NUDCD3: variants seen among roughly 807,000 people sequenced by gnomAD.
NUDCD3 encodes the protein nudC domain-containing protein 3.
In NUDCD3, 13 loss-of-function variants were observed where a neutral mutation model predicts 39.7. The observed-to-expected ratio is 0.33, with a 90% CI of 0.21 to 0.52. The LOEUF is 0.52. NUDCD3 is among the 20% of genes least tolerant of loss of function. NUDCD3 has a pLI of 0.96. For missense variants in NUDCD3, 453 were observed against 458.1 expected, an observed-to-expected ratio of 0.99 and a Z score of 0.10; for synonymous variants, 175 against 172.4, an observed-to-expected ratio of 1.02 and a Z score of -0.12.
chr7:44,400,491 C>T (rs1798701123), intron 4 of NUDCD3, among the ~76,000 whole-genome samples: 1 of 152,232 alleles, frequency 6.6e-6, no homozygotes, highest in Non-Finnish European at 1.5e-5. Flanking sequence ...GACGCCATCC[C>T]TTTGCATCCT....
At chr7:44,434,220 T>G (rs1563175778) in intron 2 of NUDCD3, among the ~76,000 whole-genome samples, 1 of 152,156 alleles carries the variant, frequency 6.6e-6, no homozygotes, top group East Asian at 1.9e-4. Context: ...AATGACTCGA[T>G]GCCTGGACCC....
At chr7:44,440,548 G>C (rs1352085390) in intron 2 of NUDCD3, among the ~76,000 whole-genome samples, 2 of 143,498 alleles carry the variant, frequency 1.4e-5, no homozygotes, top group Non-Finnish European at 3.1e-5. Flanking sequence ...CTTGACACAG[G>C]ATTTTTTTTT....
rs1434862724 is a variant in NUDCD3, at chr7:44,385,909, T to G, written c.*102A>C. 1 of 693,846 alleles carries G rather than the reference T, an allele frequency of 1.4e-6. No individual in the cohort carries two copies. Among genetic ancestry groups the G allele is most frequent in the African/African-American group, 1.8e-5 (1 of 56,414 alleles). The allele number at this position is 693,846 out of a possible 1,614,324, so 43.0% of individuals were successfully genotyped here. On this transcript the variant is annotated 3_prime_UTR_variant, in exon 6 of 6. Coordinates refer to ENST00000355451, the MANE Select transcript of NUDCD3 (RefSeq NM_015332.4). ...CCTTGAAAGAAAGGATGGCTAGGGGTAAACAAGACGAGCAAGTCCCTGGAA... is the reference window on the plus strand; with the variant it reads ...CCTTGAAAGAAAGGATGGCTAGGGGGAAACAAGACGAGCAAGTCCCTGGAA...
intron 2 of NUDCD3, chr7:44,484,687 T>G: frequency 2.9e-6 from 1 of 347,146 alleles, no homozygotes. Context: ...ACAGATAAAG[T>G]TAGGTCTTTG....
chr7:44,487,460 G>GAAA (rs34196298), intron 1 of NUDCD3, among the ~76,000 whole-genome samples: 1 of 139,910 alleles, frequency 7.1e-6, no homozygotes, highest in Non-Finnish European at 1.5e-5. Flanking sequence ...GTTAGGGACA[G>GAAA]AAAAAAAAAA....
chr7:44,489,284 T>C (rs970702752), intron 1 of NUDCD3, among the ~76,000 whole-genome samples: 2 of 152,258 alleles, frequency 1.3e-5, no homozygotes, highest in East Asian at 3.8e-4. Flanking sequence ...ATCACTAAGA[T>C]GGCACTTATG....
At chr7:44,484,066 T>C (rs1249520904) in intron 2 of NUDCD3, among the ~76,000 whole-genome samples, 1 of 151,010 alleles carries the variant, frequency 6.6e-6, no homozygotes, top group Non-Finnish European at 1.5e-5. Context: ...AGAAAGAGAG[T>C]AAAGGAGTGA....
intron 2 of NUDCD3, among the ~76,000 whole-genome samples, chr7:44,438,465 C>T (rs1237053380): frequency 1.3e-5 from 2 of 152,076 alleles, no homozygotes; most frequent in African/African-American, 4.8e-5. Context: ...CTTTCTAATT[C>T]ATCCACAGCT....
At chr7:44,484,844 T>C in intron 2 of NUDCD3, 124 bp downstream of exon 2, 1 of 771,120 alleles carries the variant, frequency 1.3e-6, no homozygotes, top group Non-Finnish European at 2.1e-6. Flanking sequence ...TTTACAAACA[T>C]GAAGAGCTAA....
chr7:44,400,162 T>A (rs544840760), intron 4 of NUDCD3, among the ~76,000 whole-genome samples: 30 of 152,050 alleles, frequency 2.0e-4, no homozygotes, highest in Non-Finnish European at 1.6e-4. Flanking sequence ...GAACGAGCTA[T>A]CGGAAAAAAG....
At chr7:44,464,016 C>T (rs1470110534) in intron 2 of NUDCD3, among the ~76,000 whole-genome samples, 2 of 151,806 alleles carry the variant, frequency 1.3e-5, no homozygotes, top group African/African-American at 4.8e-5. Flanking sequence ...GAGTTCGAGA[C>T]CAGCCTGACC....
chr7:44,483,208 A>C (rs908202221), intron 2 of NUDCD3, among the ~76,000 whole-genome samples: 2 of 152,166 alleles, frequency 1.3e-5, no homozygotes, highest in African/African-American at 4.8e-5. Flanking sequence ...ATATAACAAG[A>C]GAATGGGGAT....
chr7:44,483,835 A>G (rs1388598127), intron 2 of NUDCD3, among the ~76,000 whole-genome samples: 1 of 152,208 alleles, frequency 6.6e-6, no homozygotes, highest in Non-Finnish European at 1.5e-5. Flanking sequence ...ATAGTGGCAG[A>G]CATCTCTACA....
chr7:44,436,874 C>T (rs1043970127), intron 2 of NUDCD3, among the ~76,000 whole-genome samples: 4 of 152,102 alleles, frequency 2.6e-5, no homozygotes, highest in African/African-American at 9.7e-5. Flanking sequence ...TTAAAGACGT[C>T]TATCTGGTCA....
intron 2 of NUDCD3, among the ~76,000 whole-genome samples, chr7:44,429,730 C>T (rs1305751174): frequency 6.6e-6 from 1 of 152,106 alleles, no homozygotes; most frequent in Non-Finnish European, 1.5e-5. Flanking sequence ...ACTACTCACA[C>T]AGGCGGGCCA....
chr7:44,385,723 G>T lies in NUDCD3; in HGVS notation c.*288C>A. 4.8e-6 allele frequency: 2 copies of T among 413,216 alleles called. No individual in the cohort carries two copies. Among genetic ancestry groups the T allele is most frequent in the Non-Finnish European group, 4.3e-6 (1 of 230,514 alleles). 25.6% of individuals were successfully genotyped at this position (413,216 alleles called of 1,614,324 possible). Reference sequence around the variant, plus strand: ...GCTGCCTGCAGTGGCTGGTTGCTGTGGAGACAAAAGCATGTGATCCCAATT... The same window carrying T: ...GCTGCCTGCAGTGGCTGGTTGCTGTTGAGACAAAAGCATGTGATCCCAATT... On this transcript the variant is annotated 3_prime_UTR_variant, in exon 6 of 6. Coordinates refer to ENST00000355451, the MANE Select transcript of NUDCD3 (RefSeq NM_015332.4).
intron 2 of NUDCD3, among the ~76,000 whole-genome samples, chr7:44,461,175 C>A (rs1394088588): frequency 6.6e-6 from 1 of 152,192 alleles, no homozygotes; most frequent in Admixed American, 6.5e-5. Context: ...TTCGGCCCTG[C>A]ACCCATGAAG....
intron 2 of NUDCD3, among the ~76,000 whole-genome samples, chr7:44,435,077 A>C (rs1415834453): frequency 6.7e-6 from 1 of 149,788 alleles, no homozygotes; most frequent in Non-Finnish European, 1.5e-5. Flanking sequence ...TCTTTTGCCT[A>C]GTAATTCTAC....
At chr7:44,416,793 C>G (rs1799033741) in intron 3 of NUDCD3, among the ~76,000 whole-genome samples, 1 of 152,220 alleles carries the variant, frequency 6.6e-6, no homozygotes, top group African/African-American at 2.4e-5. Context: ...CACCTTCGAC[C>G]CTTCTCTGAG....
Sources: gnomAD v4.1 joint callset for allele counts (sites outside exome capture counted in the v4.1 genomes callset) on GRCh38, gnomAD v4.1.1 for gene constraint, MANE v1.5 for transcripts, NCBI Gene and HGNC (gene_info 2026-07-23, HGNC 2026-07-21) for gene names.